The following EBF1 variants were observed in gnomAD, a reference collection of about 807,000 sequenced individuals.
EBF1 encodes EBF transcription factor 1.
EBF1 carries 10 observed loss-of-function variants against 68.4 expected under a neutral mutation model. The ratio of observed to expected loss-of-function variants is 0.15; its 90% CI spans 0.09 to 0.25. The LOEUF (loss-of-function observed/expected upper bound fraction) is 0.25, where lower values mean the gene tolerates loss of function less well. EBF1 is among the 10% of genes least tolerant of loss of function. The pLI is 1.00. For synonymous variants in EBF1, 298 were observed against 299.8 expected, an observed-to-expected ratio of 0.99 and a Z score of 0.06; for missense variants, 509 against 794.4, an observed-to-expected ratio of 0.64 and a Z score of 4.32.
chr5:158,902,414 TTTTTC>T (rs1803598130), intron 6 of EBF1, among the ~76,000 whole-genome samples: 1 of 62,408 alleles, frequency 1.6e-5, no homozygotes, highest in Non-Finnish European at 3.3e-5. Context: ...AGCCTGCTTC[TTTTTC>T]TTTTTTTTTT....
chr5:159,064,126 A>G (rs1776331032), intron 6 of EBF1, among the ~76,000 whole-genome samples: 1 of 151,990 alleles, frequency 6.6e-6, no homozygotes, highest in Non-Finnish European at 1.5e-5. Flanking sequence ...AGTACAATAA[A>G]CAGTGTCACA....
chr5:158,910,329 A>G (rs1805682471), intron 6 of EBF1, among the ~76,000 whole-genome samples: 1 of 152,222 alleles, frequency 6.6e-6, no homozygotes, highest in African/African-American at 2.4e-5. Context: ...CAAAAGCATA[A>G]CTTTCTGTTA....
At chr5:158,719,851 A>G (rs1409352272) in intron 11 of EBF1, among the ~76,000 whole-genome samples, 1 of 152,144 alleles carries the variant, frequency 6.6e-6, no homozygotes, top group Non-Finnish European at 1.5e-5. Context: ...GTAATTTCAG[A>G]GGATAATCTG....
chr5:158,870,984 C>G (rs1226813382), intron 6 of EBF1, among the ~76,000 whole-genome samples: 1 of 152,174 alleles, frequency 6.6e-6, no homozygotes, highest in Non-Finnish European at 1.5e-5. Context: ...GTCTATAGGA[C>G]AGACTGGGAC....
At chr5:158,864,074 A>C (rs1034734797) in intron 6 of EBF1, among the ~76,000 whole-genome samples, 2 of 152,062 alleles carry the variant, frequency 1.3e-5, no homozygotes, top group Non-Finnish European at 2.9e-5. Flanking sequence ...TCTACTAAAA[A>C]TACAAAAAAT....
chr5:158,893,876 G>A (rs1260166964), intron 6 of EBF1, among the ~76,000 whole-genome samples: 1 of 152,134 alleles, frequency 6.6e-6, no homozygotes, highest in Non-Finnish European at 1.5e-5. Context: ...GCTCTTCGGG[G>A]ACCAAATTAC....
intron 6 of EBF1, among the ~76,000 whole-genome samples, chr5:158,929,289 T>A (rs950801241): frequency 6.6e-6 from 1 of 152,204 alleles, no homozygotes; most frequent in Non-Finnish European, 1.5e-5. Flanking sequence ...AGTGCCTAAA[T>A]TATCAGCCTT....
chr5:159,031,846 A>G (rs977703655), intron 6 of EBF1, among the ~76,000 whole-genome samples: 3 of 152,226 alleles, frequency 2.0e-5, no homozygotes, highest in Admixed American at 2.0e-4. Flanking sequence ...TAAAATTTGT[A>G]AAAATAGAAC....
At chr5:159,091,791 T>A (rs1401039328) in intron 4 of EBF1, among the ~76,000 whole-genome samples, 1 of 152,200 alleles carries the variant, frequency 6.6e-6, no homozygotes, top group Non-Finnish European at 1.5e-5. Flanking sequence ...TTCTGATGAT[T>A]GTACCTTGGA....
intron 6 of EBF1, among the ~76,000 whole-genome samples, chr5:158,863,535 G>A (rs1275075847): frequency 2.6e-5 from 4 of 152,068 alleles, no homozygotes; most frequent in South Asian, 4.2e-4. Context: ...TGCTACCTAC[G>A]ATTAAGAAAT....
At chr5:158,945,479 T>A (rs1483987046) in intron 6 of EBF1, among the ~76,000 whole-genome samples, 1 of 152,212 alleles carries the variant, frequency 6.6e-6, no homozygotes, top group Non-Finnish European at 1.5e-5. Flanking sequence ...GAAAATTCTT[T>A]AAGAATGTTG....
chr5:158,925,952 G>A (rs1195729117), intron 6 of EBF1, among the ~76,000 whole-genome samples: 1 of 152,188 alleles, frequency 6.6e-6, no homozygotes, highest in East Asian at 1.9e-4. Flanking sequence ...CAGGAACAAA[G>A]TTTGGTGGGC....
intron 6 of EBF1, among the ~76,000 whole-genome samples, chr5:158,898,957 G>A (rs549092410): frequency 2.0e-5 from 3 of 152,178 alleles, no homozygotes; most frequent in Admixed American, 6.5e-5. Context: ...CGATAACAAG[G>A]TTTCAGCCCA....
intron 6 of EBF1, among the ~76,000 whole-genome samples, chr5:159,027,816 G>A (rs1211763381): frequency 6.6e-6 from 1 of 152,174 alleles, no homozygotes; most frequent in Non-Finnish European, 1.5e-5. Context: ...ACTCAGCAGG[G>A]TAGGCCACAG....
chr5:158,830,862 T>C (rs1434100684), intron 7 of EBF1, among the ~76,000 whole-genome samples: 3 of 151,950 alleles, frequency 2.0e-5, no homozygotes, highest in Non-Finnish European at 2.9e-5. Context: ...TGTCATGGAG[T>C]GGAACTGCTG....
At chr5:158,984,090 C>T (rs1357978796) in intron 6 of EBF1, among the ~76,000 whole-genome samples, 1 of 152,124 alleles carries the variant, frequency 6.6e-6, no homozygotes, top group Non-Finnish European at 1.5e-5. Context: ...CCTGGAATCT[C>T]AAAAGAAAGA....
At chr5:158,818,312 T>C (rs1784158325) in intron 8 of EBF1, among the ~76,000 whole-genome samples, 1 of 152,156 alleles carries the variant, frequency 6.6e-6, no homozygotes, top group Middle Eastern at 3.4e-3. Context: ...ACCAAACAAA[T>C]GAAAAACACA....
At chr5:158,824,922 T>C (rs762132211) in intron 7 of EBF1, among the ~76,000 whole-genome samples, 1 of 152,256 alleles carries the variant, frequency 6.6e-6, no homozygotes, top group Non-Finnish European at 1.5e-5. Context: ...TCACCCATAC[T>C]AGTAGCATAA....
intron 7 of EBF1, 63 bp from the exon 8 acceptor site, chr5:158,823,380 C>A: frequency 6.7e-7 from 1 of 1,487,952 alleles, no homozygotes. Flanking sequence ...GTAATAAACT[C>A]AAGTTAAATA....
Sources: gnomAD v4.1 joint callset for allele counts (sites outside exome capture counted in the v4.1 genomes callset) on GRCh38, gnomAD v4.1.1 for gene constraint, MANE v1.5 for transcripts, NCBI Gene and HGNC (gene_info 2026-07-23, HGNC 2026-07-21) for gene names.